CHRNA7: variants seen among roughly 807,000 people sequenced by gnomAD.
CHRNA7 encodes neuronal acetylcholine receptor subunit alpha-7.
Under a neutral mutation model 48.0 loss-of-function variants are expected in CHRNA7, and 17 were observed. The ratio of observed to expected loss-of-function variants is 0.35; its 90% CI spans 0.24 to 0.53. The LOEUF (loss-of-function observed/expected upper bound fraction) is 0.53, where lower values mean the gene tolerates loss of function less well. Ranked by LOEUF, CHRNA7 falls within the 20% of genes least tolerant of loss-of-function variation. CHRNA7 has a pLI of 0.92. For missense variants in CHRNA7, 155 were observed against 577.7 expected, an observed-to-expected ratio of 0.27 and a Z score of 7.50; for synonymous variants, 75 against 242.3, an observed-to-expected ratio of 0.31 and a Z score of 6.41.
At chr15:32,166,240 T>C (rs1239289427) in intron 9 of CHRNA7, 2 of 152,242 alleles carry the variant, frequency 1.3e-5, no homozygotes, top group Non-Finnish European at 2.9e-5. Flanking sequence ...ATTATACTCA[T>C]TTCACCGGAC....
At chr15:32,079,022 G>A (rs774551205) in intron 2 of CHRNA7, among the ~76,000 whole-genome samples, 9 of 152,000 alleles carry the variant, frequency 5.9e-5, no homozygotes, top group Non-Finnish European at 1.2e-4. Flanking sequence ...AATGTAGTTC[G>A]TCACATACAC....
intron 2 of CHRNA7, chr15:32,099,107 G>T (rs924387728): frequency 5.9e-5 from 9 of 152,316 alleles, no homozygotes; most frequent in African/African-American, 1.9e-4. Flanking sequence ...GCAGTTGGAG[G>T]AGGGTGATCT....
intron 2 of CHRNA7, among the ~76,000 whole-genome samples, chr15:32,097,159 A>C (rs8036104): frequency 0.19 from 28,137 of 152,028 alleles, 2,640 homozygotes; most frequent in Middle Eastern, 0.23. Flanking sequence ...CACAGAAGCC[A>C]ATTGCCTGCT....
At chr15:32,110,023 C>G (rs1031624191) in intron 3 of CHRNA7, among the ~76,000 whole-genome samples, 1 of 152,200 alleles carries the variant, frequency 6.6e-6, no homozygotes, top group Non-Finnish European at 1.5e-5. Flanking sequence ...GTGCCTTGGC[C>G]TACCATGCCC....
intron 2 of CHRNA7, among the ~76,000 whole-genome samples, chr15:32,051,672 G>A (rs944970456): frequency 6.6e-6 from 1 of 152,204 alleles, no homozygotes; most frequent in South Asian, 2.1e-4. Flanking sequence ...TGCGCCCACT[G>A]TCTGGCACTC....
At chr15:32,059,944 C>CAA (rs34200550) in intron 2 of CHRNA7, among the ~76,000 whole-genome samples, 515 of 33,092 alleles carry the variant, frequency 0.016, 55 homozygotes, top group East Asian at 0.046. Flanking sequence ...AGTAGAAAAG[C>CAA]AAAAAAAAAA....
At chr15:32,115,085 G>A (rs926286372) in intron 4 of CHRNA7, among the ~76,000 whole-genome samples, 2 of 152,226 alleles carry the variant, frequency 1.3e-5, no homozygotes, top group Non-Finnish European at 2.9e-5. Context: ...AGGACTGAGC[G>A]TGAGGGTCCC....
intron 4 of CHRNA7, among the ~76,000 whole-genome samples, chr15:32,137,411 T>A (rs1180248578): frequency 6.6e-6 from 1 of 152,066 alleles, no homozygotes; most frequent in African/African-American, 2.4e-5. Context: ...AGTGATTTTT[T>A]AAAACTAAGG....
rs541234957 is a variant in CHRNA7 at position 32,065,119 on chromosome 15, G to A, written c.195+34082G>A. 2.1e-3 allele frequency among the ~76,000 whole-genome samples: 325 copies of A among 152,268 alleles called. 1 individual carries two copies. The highest frequency in any genetic ancestry group is 7.5e-3 in the African/African-American group (312 of 41,550). The stretch of plus-strand genomic sequence containing the variant: ...GGAGACCAAAAGCTAGCAGCAATCT[G>A]GGGAGCATTTATTTTTTATAAAAAT... On this transcript the variant is annotated intron_variant, in intron 2 of 9. Transcript: ENST00000306901.
At chr15:32,121,553 G>A (rs114663991) in intron 4 of CHRNA7, among the ~76,000 whole-genome samples, 3,139 of 152,308 alleles carry the variant, frequency 0.021, 98 homozygotes, top group African/African-American at 0.072. Context: ...ATCTTGCAGA[G>A]CAGAAGATGA....
intron 4 of CHRNA7, among the ~76,000 whole-genome samples, chr15:32,113,018 C>T (rs185684062): frequency 2.1e-4 from 32 of 152,300 alleles, no homozygotes; most frequent in Admixed American, 7.2e-4. Context: ...ATGGATCAAA[C>T]ATGTGCCTTT....
chr15:32,101,209 C>T, intron 2 of CHRNA7, 94 bp from the exon 3 acceptor site: 1 of 1,341,800 alleles, frequency 7.5e-7, no homozygotes, highest in Admixed American at 2.0e-5. Context: ...CACAACAACG[C>T]TCTCGACAGT....
chr15:32,100,414 A>G (rs1391386196), intron 2 of CHRNA7: 2 of 152,334 alleles, frequency 1.3e-5, no homozygotes, highest in African/African-American at 4.8e-5. Context: ...GAATTCACTC[A>G]TTTGCCTCCT....
At chr15:32,084,581 A>C (rs1273606086) in intron 2 of CHRNA7, among the ~76,000 whole-genome samples, 1 of 152,226 alleles carries the variant, frequency 6.6e-6, no homozygotes, top group African/African-American at 2.4e-5. Flanking sequence ...CTTCCTCTCC[A>C]TCAGATATTT....
At chr15:32,121,394 T>C (rs2050967777) in intron 4 of CHRNA7, among the ~76,000 whole-genome samples, 1 of 152,192 alleles carries the variant, frequency 6.6e-6, no homozygotes, top group Non-Finnish European at 1.5e-5. Flanking sequence ...AGTGAAGTCA[T>C]CTAAAATTAC....
intron 4 of CHRNA7, among the ~76,000 whole-genome samples, chr15:32,129,050 G>A (rs2051113898): frequency 1.3e-5 from 2 of 151,828 alleles, no homozygotes; most frequent in Admixed American, 1.3e-4. Context: ...TAATATGGTA[G>A]ATTACATTGA....
intron 4 of CHRNA7, among the ~76,000 whole-genome samples, chr15:32,124,666 T>C (rs1382208248): frequency 7.2e-6 from 1 of 138,592 alleles, no homozygotes; most frequent in Non-Finnish European, 1.5e-5. Flanking sequence ...AAGTCAGAGA[T>C]AAGGCAAAGA....
At chr15:32,077,835 A>G (rs1019580439) in intron 2 of CHRNA7, among the ~76,000 whole-genome samples, 1 of 152,142 alleles carries the variant, frequency 6.6e-6, no homozygotes, top group Non-Finnish European at 1.5e-5. Context: ...AGAGAAAGAG[A>G]AAGAGGTGAC....
At chr15:32,033,826 C>T (rs940159873) in intron 2 of CHRNA7, among the ~76,000 whole-genome samples, 1 of 152,174 alleles carries the variant, frequency 6.6e-6, no homozygotes, top group African/African-American at 2.4e-5. Context: ...GTTGGTTTTC[C>T]TACTCCCAAA....
Sources: gnomAD v4.1 joint callset for allele counts (sites outside exome capture counted in the v4.1 genomes callset) on GRCh38, gnomAD v4.1.1 for gene constraint, MANE v1.5 for transcripts, NCBI Gene and HGNC (gene_info 2026-07-23, HGNC 2026-07-21) for gene names.